SLC44A5: variants seen among roughly 807,000 people sequenced by gnomAD.
SLC44A5 encodes the protein choline transporter-like protein 5.
Under a neutral mutation model 101.8 loss-of-function variants are expected in SLC44A5, and 57 were observed. The observed-to-expected ratio is 0.56, with a 90% CI of 0.45 to 0.70. SLC44A5 has a LOEUF of 0.70. SLC44A5 is among the 30% of genes least tolerant of loss of function. SLC44A5 has a pLI of 0.00. For missense variants in SLC44A5, 737 were observed against 853.1 expected, an observed-to-expected ratio of 0.86 and a Z score of 1.70; for synonymous variants, 281 against 290.9, an observed-to-expected ratio of 0.97 and a Z score of 0.35.
intron 2 of SLC44A5, among the ~76,000 whole-genome samples, chr1:75,423,531 T>C (rs909015368): frequency 6.6e-6 from 1 of 152,240 alleles, no homozygotes; most frequent in African/African-American, 2.4e-5. Context: ...GATTTAAGGA[T>C]TTTAAGAAAT....
At chr1:75,711,509 G>T in the SLC44A5 span, among the ~76,000 whole-genome samples, 1 of 152,204 alleles carries the variant, frequency 6.6e-6, no homozygotes, top group African/African-American at 2.4e-5. Flanking sequence ...CATGGGAGCT[G>T]TTCTGTCAGA....
At chr1:75,528,832 G>T (rs1164950617) in intron 2 of SLC44A5, among the ~76,000 whole-genome samples, 2 of 151,992 alleles carry the variant, frequency 1.3e-5, no homozygotes, top group East Asian at 3.9e-4. Context: ...TTTTCCTCTG[G>T]ACCTTTGTAT....
At chr1:75,441,488 A>G (rs188219081) in intron 2 of SLC44A5, among the ~76,000 whole-genome samples, 1 of 152,056 alleles carries the variant, frequency 6.6e-6, no homozygotes, top group East Asian at 1.9e-4. Context: ...ATTTAAAAAA[A>G]GTCAAGGAAA....
intron 1 of SLC44A5, among the ~76,000 whole-genome samples, chr1:75,578,731 C>T (rs1673515237): frequency 6.6e-6 from 1 of 152,000 alleles, no homozygotes; most frequent in Non-Finnish European, 1.5e-5. Context: ...CATAGTAAAA[C>T]ATAGTTAATA....
chr1:75,512,190 A>C (rs143346051), intron 2 of SLC44A5, among the ~76,000 whole-genome samples: 5 of 152,340 alleles, frequency 3.3e-5, no homozygotes, highest in African/African-American at 1.2e-4. Context: ...TAAATGAAAA[A>C]TAAAAATTGA....
chr1:75,450,799 C>G lies in SLC44A5; in HGVS notation c.14-54178G>C, dbSNP rs188067072. On this transcript the variant is annotated intron_variant, in intron 2 of 23. Coordinates refer to ENST00000370859, the MANE Select transcript of SLC44A5 (RefSeq NM_001130058.2). ...TGGATCAGCAGCCTGAGCTACACCACTCTTCCTGTGCAAAGATCCTAGTAC... is the reference window on the plus strand; with the variant it reads ...TGGATCAGCAGCCTGAGCTACACCAGTCTTCCTGTGCAAAGATCCTAGTAC... Among the ~76,000 whole-genome samples, 611 of 152,328 alleles carry G rather than the reference C, an allele frequency of 4.0e-3. 12 individuals carry two copies. The highest frequency in any genetic ancestry group is 8.5e-4 in the Non-Finnish European group (58 of 68,036).
At chr1:75,400,583 T>C (rs900257313) in intron 2 of SLC44A5, among the ~76,000 whole-genome samples, 5 of 152,178 alleles carry the variant, frequency 3.3e-5, no homozygotes, top group African/African-American at 1.2e-4. Flanking sequence ...AACATTTGAG[T>C]TGCTCTAGCA....
chr1:75,437,262 C>T (rs1391146155), intron 2 of SLC44A5, among the ~76,000 whole-genome samples: 1 of 152,038 alleles, frequency 6.6e-6, no homozygotes, highest in Non-Finnish European at 1.5e-5. Context: ...ACAGGGCAAT[C>T]GTTTTGTTTA....
rs114783205 is a variant in SLC44A5, at chr1:75,254,387, A to G, written c.261-3093T>C. 5.5e-3 allele frequency among the ~76,000 whole-genome samples: 832 copies of G among 152,228 alleles called. 11 individuals are homozygous for G. Among genetic ancestry groups the G allele is most frequent in the African/African-American group, 0.019 (804 of 41,490 alleles). ...AAGTAGATGGTGGTGGTTGCAGCTG[A>G]GCAATTCTGTAGAAGTAATTGAGGA... On this transcript the variant is annotated intron_variant, in intron 6 of 23. Transcript: ENST00000370859.
chr1:75,513,472 A>C (rs929452661), intron 2 of SLC44A5, among the ~76,000 whole-genome samples: 16 of 152,258 alleles, frequency 1.1e-4, no homozygotes, highest in Admixed American at 4.6e-4. Context: ...CTGCCCTATA[A>C]CATAAAAGCT....
intron 5 of SLC44A5, among the ~76,000 whole-genome samples, chr1:75,277,344 A>G (rs1373769770): frequency 1.3e-5 from 2 of 152,192 alleles, no homozygotes; most frequent in African/African-American, 2.4e-5. Flanking sequence ...GTCTTATAGC[A>G]TGCCTAAAAG....
chr1:75,236,629 A>G (rs879862992), intron 11 of SLC44A5, among the ~76,000 whole-genome samples: 7 of 152,072 alleles, frequency 4.6e-5, no homozygotes, highest in Admixed American at 3.9e-4. Flanking sequence ...TCTGAGAAAC[A>G]ATCCTGCCTC....
chr1:75,387,255 C>T (rs12067948), intron 3 of SLC44A5, among the ~76,000 whole-genome samples: 73,411 of 150,590 alleles, frequency 0.49, 19,308 homozygotes, highest in East Asian at 0.94. Context: ...AAAGAAACTA[C>T]CATCAGAGTG....
rs201496858 is a variant in SLC44A5, at chr1:75,254,627, A to G, written c.261-3333T>C. Among the ~76,000 whole-genome samples, 12 of 152,240 alleles carry G rather than the reference A, an allele frequency of 7.9e-5. No individual in the cohort carries two copies. The East Asian group carries it at 1.9e-3, about 25-fold the overall frequency. ...GGATGTGATTTGATCACAATTTTACAGGAGAGTTCAGCAATATTTGGAATA... is the reference window on the plus strand; with the variant it reads ...GGATGTGATTTGATCACAATTTTACGGGAGAGTTCAGCAATATTTGGAATA... On this transcript the variant is annotated intron_variant, in intron 6 of 23. Coordinates refer to ENST00000370859, the MANE Select transcript of SLC44A5 (RefSeq NM_001130058.2).
At chr1:75,333,087 T>C (rs1299183906) in intron 4 of SLC44A5, among the ~76,000 whole-genome samples, 1 of 151,968 alleles carries the variant, frequency 6.6e-6, no homozygotes, top group Admixed American at 6.6e-5. Flanking sequence ...AAAAAGTAGG[T>C]CCTGTGTTGT....
chr1:75,698,616 G>C, the SLC44A5 span, among the ~76,000 whole-genome samples: 1 of 152,232 alleles, frequency 6.6e-6, no homozygotes, highest in African/African-American at 2.4e-5. Flanking sequence ...CCAAAGGAAC[G>C]CAGTTCCTCA....
chr1:75,227,700 A>G (rs374803552), intron 13 of SLC44A5, 26 bp downstream of exon 13: 53 of 1,530,510 alleles, frequency 3.5e-5, no homozygotes, highest in Non-Finnish European at 4.3e-5. Context: ...TACAATTTTA[A>G]TGAAACCAGT....
the SLC44A5 span, among the ~76,000 whole-genome samples, chr1:75,692,216 CAG>C: frequency 9.7e-6 from 1 of 102,798 alleles, no homozygotes; most frequent in Non-Finnish European, 1.8e-5. Flanking sequence ...TTTTCTGAGA[CAG>C]AGTCTCGCTC....
intron 3 of SLC44A5, among the ~76,000 whole-genome samples, chr1:75,373,804 C>T (rs895460287): frequency 6.6e-6 from 1 of 152,144 alleles, no homozygotes; most frequent in Non-Finnish European, 1.5e-5. Context: ...TCCCCCAGCA[C>T]AGCTGGCACT....
Sources: gnomAD v4.1 joint callset for allele counts (sites outside exome capture counted in the v4.1 genomes callset) on GRCh38, gnomAD v4.1.1 for gene constraint, MANE v1.5 for transcripts, NCBI Gene and HGNC (gene_info 2026-07-23, HGNC 2026-07-21) for gene names.